The following NAALADL2 variants were observed in gnomAD, a reference collection of about 807,000 sequenced individuals.
The protein encoded by NAALADL2 is inactive N-acetylated-alpha-linked acidic dipeptidase-like protein 2.
A neutral mutation model predicts 87.2 loss-of-function variants in NAALADL2; 76 were observed. The ratio of observed to expected loss-of-function variants is 0.87; its 90% CI spans 0.72 to 1.05. NAALADL2 has a LOEUF of 1.05. NAALADL2 is among the 50% of genes least tolerant of loss of function. The pLI is 0.00. For synonymous variants in NAALADL2, 354 were observed against 331.0 expected (o/e 1.07, Z -0.75); for missense variants, 1,089 against 945.8 (o/e 1.15, Z -1.99).
chr3:175,699,526 C>T (rs1315820452), intron 11 of NAALADL2, among the ~76,000 whole-genome samples: 1 of 152,006 alleles, frequency 6.6e-6, no homozygotes, highest in Non-Finnish European at 1.5e-5. Flanking sequence ...CCAGGAGGTG[C>T]TTCTACCACA....
intron 10 of NAALADL2, among the ~76,000 whole-genome samples, chr3:175,608,434 C>T (rs929955581): frequency 6.6e-6 from 1 of 151,604 alleles, no homozygotes; most frequent in Admixed American, 6.6e-5. Context: ...TGTTCCGTGT[C>T]CAGCGCTTTA....
At chr3:174,645,281 A>G (rs543998623) in intron 2 of NAALADL2, among the ~76,000 whole-genome samples, 1 of 152,354 alleles carries the variant, frequency 6.6e-6, no homozygotes, top group Admixed American at 6.5e-5. Context: ...GTTGTAATAA[A>G]CAATTGAAAT....
chr3:174,933,908 C>T (rs933255690), intron 1 of NAALADL2, among the ~76,000 whole-genome samples: 3 of 152,074 alleles, frequency 2.0e-5, no homozygotes, highest in Admixed American at 6.6e-5. Context: ...TAACCTTGGC[C>T]GTATACTTAA....
chr3:175,749,521 C>T (rs370155623), intron 12 of NAALADL2, among the ~76,000 whole-genome samples: 1 of 151,970 alleles, frequency 6.6e-6, no homozygotes, highest in Admixed American at 6.6e-5. Flanking sequence ...AGGAGGGGAA[C>T]ACTGTTTCCA....
At chr3:174,655,833 A>C (rs1724862362) in intron 2 of NAALADL2, among the ~76,000 whole-genome samples, 2 of 152,294 alleles carry the variant, frequency 1.3e-5, no homozygotes, top group South Asian at 2.1e-4. Context: ...TTTAACATAT[A>C]AAAGTTTTAA....
At chr3:175,417,275 ATAAT>A (rs1409612457) in intron 5 of NAALADL2, among the ~76,000 whole-genome samples, 2 of 151,944 alleles carry the variant, frequency 1.3e-5, no homozygotes, top group African/African-American at 4.8e-5. Context: ...AAGAAAGTAA[ATAAT>A]TATTGAACTA....
At chr3:175,548,191 TAC>T (rs1713708652) in intron 9 of NAALADL2, among the ~76,000 whole-genome samples, 1 of 152,042 alleles carries the variant, frequency 6.6e-6, no homozygotes. Context: ...GAAAATGTGG[TAC>T]ATATATACCA....
At chr3:175,610,197 C>CTA (rs945228516) in intron 10 of NAALADL2, among the ~76,000 whole-genome samples, 52 of 152,188 alleles carry the variant, frequency 3.4e-4, no homozygotes, top group African/African-American at 1.1e-3. Flanking sequence ...GAGGATCACC[C>CTA]TATGTAAGTA....
rs540790712 is a variant in NAALADL2, at chr3:175,095,291, G to C, written c.44-1499G>C. 1.2e-4 allele frequency among the ~76,000 whole-genome samples: 19 copies of C among 152,066 alleles called. No individual in the cohort carries two copies. In the East Asian group the frequency reaches 3.7e-3, roughly 29 times the overall value. ...TTCTGCTAGAATCAATCACCCCTGA[G>C]TTTCCCTGACACTTTGCATATTTTA... On this transcript the variant is annotated intron_variant, in intron 1 of 13. Coordinates refer to ENST00000454872, the MANE Select transcript of NAALADL2 (RefSeq NM_207015.3).
chr3:174,690,600 A>G (rs189721914), intron 2 of NAALADL2, among the ~76,000 whole-genome samples: 1 of 152,222 alleles, frequency 6.6e-6, no homozygotes, highest in Admixed American at 6.5e-5. Context: ...AGCAAATTCT[A>G]TTTTTATGCA....
At chr3:174,788,091 A>G (rs1366200107) in intron 3 of NAALADL2, among the ~76,000 whole-genome samples, 4 of 152,126 alleles carry the variant, frequency 2.6e-5, no homozygotes, top group Admixed American at 6.6e-5. Flanking sequence ...TCAAAAAGAG[A>G]TATCAGGGTC....
chr3:175,757,787 A>G (rs1390936779), intron 13 of NAALADL2, among the ~76,000 whole-genome samples: 1 of 152,190 alleles, frequency 6.6e-6, no homozygotes, highest in East Asian at 1.9e-4. Flanking sequence ...AATAAATGTA[A>G]CGATGTTAGA....
chr3:175,457,454 C>G (rs1361876806), intron 6 of NAALADL2, among the ~76,000 whole-genome samples: 1 of 152,098 alleles, frequency 6.6e-6, no homozygotes, highest in Non-Finnish European at 1.5e-5. Flanking sequence ...CCTTTAGCCA[C>G]TAGTATTTGT....
intron 2 of NAALADL2, among the ~76,000 whole-genome samples, chr3:174,595,870 G>A (rs980877121): frequency 6.6e-6 from 1 of 152,102 alleles, no homozygotes; most frequent in Non-Finnish European, 1.5e-5. Flanking sequence ...AAATTAGCTG[G>A]GTGTGGTGGC....
chr3:174,882,356 A>G (rs1729298272), intron 1 of NAALADL2, among the ~76,000 whole-genome samples: 1 of 151,890 alleles, frequency 6.6e-6, no homozygotes, highest in African/African-American at 2.4e-5. Context: ...AGGACACAAA[A>G]TAGTTAACTT....
chr3:175,358,271 C>T (rs1764603293), intron 5 of NAALADL2, among the ~76,000 whole-genome samples: 1 of 151,798 alleles, frequency 6.6e-6, no homozygotes, highest in African/African-American at 2.4e-5. Context: ...CTTATTTATC[C>T]TTATAACTTT....
In NAALADL2 at chr3:175,170,502, A is replaced by G. The variant is rs967103649; in HGVS notation, c.546-63429A>G. Among the ~76,000 whole-genome samples the G allele has an allele frequency of 4.1e-5, 6 of 147,558 alleles. No homozygotes were observed. In the South Asian group the frequency reaches 8.4e-4, roughly 21 times the overall value. Reference sequence around the variant, plus strand: ...TATAATATATAAATATAATATATATATACAAACACATATATAGTATTTGCC... The same window carrying G: ...TATAATATATAAATATAATATATATGTACAAACACATATATAGTATTTGCC... On this transcript the variant is annotated intron_variant, in intron 2 of 13. Transcript: ENST00000454872.
At chr3:175,189,900 T>G (rs556179350) in intron 2 of NAALADL2, among the ~76,000 whole-genome samples, 1 of 152,082 alleles carries the variant, frequency 6.6e-6, no homozygotes. Context: ...TGAAACAAAA[T>G]AGACAGTCCA....
At position 174,796,578 on chromosome 3, in the gene NAALADL2, A is replaced by G. The variant is rs78836529; in HGVS notation, c.-9+58832A>G. The stretch of plus-strand genomic sequence containing the variant: ...TTAATTGTTTTTTTAATGGCTGAAT[A>G]GTTTTCTATTGTATATGTATATCAC... On this transcript the variant is annotated intron_variant, in intron 3 of 3. Transcript: ENST00000434257. Among the ~76,000 whole-genome samples the G allele has an allele frequency of 1.2e-3, 187 of 151,820 alleles. 3 individuals are homozygous for G. The East Asian group carries it at 0.032, about 26-fold the overall frequency.
Sources: allele counts gnomAD v4.1 joint callset (sites outside exome capture counted in the v4.1 genomes callset), GRCh38; gene constraint gnomAD v4.1.1; transcripts MANE v1.5; gene names NCBI Gene and HGNC (gene_info 2026-07-23, HGNC 2026-07-21).